The following SLC22A15 variants were observed in gnomAD, a reference collection of about 807,000 sequenced individuals.
SLC22A15 encodes the protein flipt 1.
In SLC22A15, 45 loss-of-function variants were observed where a neutral mutation model predicts 62.7. That is an observed-to-expected ratio of 0.72 (90% CI 0.56 to 0.92). The LOEUF (loss-of-function observed/expected upper bound fraction) is 0.92. SLC22A15 is among the 40% of genes least tolerant of loss of function. SLC22A15 has a pLI of 0.00. For missense variants in SLC22A15, 622 were observed against 665.6 expected (o/e 0.93, Z 0.72); for synonymous variants, 264 against 267.0 (o/e 0.99, Z 0.11).
At chr1:115,996,223 G>A (rs888232591) in intron 2 of SLC22A15, among the ~76,000 whole-genome samples, 2 of 152,154 alleles carry the variant, frequency 1.3e-5, no homozygotes, top group Admixed American at 1.3e-4. Flanking sequence ...TTTTATTACT[G>A]TAGTTATATA....
chr1:115,979,628 T>C (rs1445381647), intron 1 of SLC22A15, among the ~76,000 whole-genome samples: 1 of 152,250 alleles, frequency 6.6e-6, no homozygotes, highest in Admixed American at 6.5e-5. Flanking sequence ...GTTTCTCTTC[T>C]GATGGTGATT....
intron 7 of SLC22A15, among the ~76,000 whole-genome samples, chr1:116,035,744 G>T (rs148919038): frequency 9.0e-4 from 137 of 152,300 alleles, no homozygotes; most frequent in Non-Finnish European, 1.3e-3. Flanking sequence ...GAACTAGAAA[G>T]ACTTTTCTTA....
intron 1 of SLC22A15, among the ~76,000 whole-genome samples, chr1:115,980,599 A>T (rs1000387738): frequency 6.6e-6 from 1 of 152,232 alleles, no homozygotes; most frequent in Non-Finnish European, 1.5e-5. Flanking sequence ...TATTCTTAAT[A>T]CAAATTTTAA....
chr1:115,988,090 A>T (rs1408562270), intron 1 of SLC22A15, among the ~76,000 whole-genome samples: 2 of 152,194 alleles, frequency 1.3e-5, no homozygotes, highest in East Asian at 3.8e-4. Flanking sequence ...AATTATAATT[A>T]CATTGAAAGG....
intron 4 of SLC22A15, among the ~76,000 whole-genome samples, chr1:116,024,413 C>T (rs17035115): frequency 0.086 from 13,103 of 151,970 alleles, 1,293 homozygotes; most frequent in African/African-American, 0.24. Context: ...GCAGGAATAG[C>T]GAAGTTGAAA....
intron 7 of SLC22A15, among the ~76,000 whole-genome samples, chr1:116,037,036 G>A (rs1157115065): frequency 1.3e-5 from 2 of 152,106 alleles, no homozygotes; most frequent in African/African-American, 4.8e-5. Context: ...CTGAAACTTA[G>A]GATTTATGGA....
chr1:116,002,181 T>C (rs1207788020), intron 2 of SLC22A15, among the ~76,000 whole-genome samples: 1 of 152,240 alleles, frequency 6.6e-6, no homozygotes, highest in Non-Finnish European at 1.5e-5. Context: ...CTTCCCTTAC[T>C]GTTTTCCAAA....
At chr1:116,057,248 A>C (rs1287085806) in intron 8 of SLC22A15, among the ~76,000 whole-genome samples, 12 of 152,164 alleles carry the variant, frequency 7.9e-5, no homozygotes, top group Non-Finnish European at 1.0e-4. Flanking sequence ...TGGGCAAAGG[A>C]TATGAACAGA....
chr1:116,027,214 C>T (rs1218840186), intron 5 of SLC22A15, 192 bp downstream of exon 5: 2 of 657,552 alleles, frequency 3.0e-6, no homozygotes, highest in Non-Finnish European at 5.6e-6. Flanking sequence ...ATTCAGAATG[C>T]AGGTATCCCT....
At chr1:116,004,327 G>A (rs1655873088) in intron 2 of SLC22A15, among the ~76,000 whole-genome samples, 1 of 152,110 alleles carries the variant, frequency 6.6e-6, no homozygotes, top group African/African-American at 2.4e-5. Flanking sequence ...TGTTCCTGTG[G>A]GGAGGATGAC....
chr1:116,012,842 C>T (rs1656339461), intron 2 of SLC22A15, among the ~76,000 whole-genome samples: 1 of 152,056 alleles, frequency 6.6e-6, no homozygotes, highest in African/African-American at 2.4e-5. Context: ...TGATCATTTC[C>T]TGGGCTAGTA....
chr1:115,992,359 A>G, intron 2 of SLC22A15, 116 bp downstream of exon 2: 1 of 925,022 alleles, frequency 1.1e-6, no homozygotes, highest in Non-Finnish European at 1.6e-6. Flanking sequence ...TTTCTAGTAA[A>G]TTTAAAAGTT....
chr1:116,052,442 C>T, intron 8 of SLC22A15, among the ~76,000 whole-genome samples: 1 of 152,242 alleles, frequency 6.6e-6, no homozygotes, highest in Non-Finnish European at 1.5e-5. Context: ...GGCCTGCCTC[C>T]TTCTGTAGGC....
At chr1:116,034,186 C>CT (rs1657547397) in intron 6 of SLC22A15, among the ~76,000 whole-genome samples, 4 of 152,128 alleles carry the variant, frequency 2.6e-5, no homozygotes, top group Non-Finnish European at 5.9e-5. Context: ...AACAAAGCTT[C>CT]GGTGTTTTAC....
intron 6 of SLC22A15, chr1:116,032,547 A>G: frequency 2.0e-6 from 2 of 985,422 alleles, no homozygotes; most frequent in Non-Finnish European, 2.4e-6. Flanking sequence ...AGAAGCTGCA[A>G]AGATATTTTT....
chr1:116,040,991 T>C (rs1320919185), intron 8 of SLC22A15, among the ~76,000 whole-genome samples: 1 of 152,210 alleles, frequency 6.6e-6, no homozygotes, highest in Non-Finnish European at 1.5e-5. Context: ...ACCCAGTTCT[T>C]AACTCTTTAG....
chr1:116,036,210 C>G (rs1268981183), intron 7 of SLC22A15, among the ~76,000 whole-genome samples: 1 of 152,146 alleles, frequency 6.6e-6, no homozygotes, highest in Non-Finnish European at 1.5e-5. Flanking sequence ...ATTCAGAAAT[C>G]TTTCCCAGCA....
intron 1 of SLC22A15, among the ~76,000 whole-genome samples, chr1:115,991,219 T>C (rs1655127485): frequency 1.3e-5 from 2 of 152,210 alleles, no homozygotes; most frequent in Admixed American, 1.3e-4. Flanking sequence ...GCAATAGGGC[T>C]TGACTTATAA....
In SLC22A15 at chr1:116,018,396, G is replaced by A. The variant is rs566048998; in HGVS notation, c.301-1186G>A. ...TTTTTTATTTTTGAGACGGAGTCTC[G>A]CTCTGTCTCCCAGGCTGGAGTGCAG... On this transcript the variant is annotated intron_variant, in intron 2 of 11. Transcript: ENST00000369503. Among the ~76,000 whole-genome samples, 78 of 151,624 alleles carry A rather than the reference G, an allele frequency of 5.1e-4. 2 individuals are homozygous for A. The highest frequency in any genetic ancestry group is 1.5e-3 in the Admixed American group (23 of 15,230).
Sources: allele counts gnomAD v4.1 joint callset (sites outside exome capture counted in the v4.1 genomes callset), GRCh38; gene constraint gnomAD v4.1.1; transcripts MANE v1.5; gene names NCBI Gene and HGNC (gene_info 2026-07-23, HGNC 2026-07-21).